Variants in CCDC7 observed in about 807,000 individuals in gnomAD.
CCDC7 encodes coiled-coil domain containing 7, also known as coiled-coil domain-containing protein 7.
Under a neutral mutation model 196.9 loss-of-function variants are expected in CCDC7, and 183 were observed. That is an observed-to-expected ratio of 0.93 (90% CI 0.82 to 1.05). CCDC7 has a LOEUF of 1.05. Among genes scored for constraint, CCDC7 ranks in the 50% least tolerant of loss-of-function variants. The probability of loss-of-function intolerance (pLI) is 0.00; values close to 1 mark genes in which losing one functional copy is unlikely to be tolerated. For synonymous variants in CCDC7, 525 were observed against 484.6 expected (o/e 1.08, Z -1.10); for missense variants, 1,540 against 1,482.2 (o/e 1.04, Z -0.64).
At chr10:32,702,385 C>T (rs967772143) in intron 24 of CCDC7, among the ~76,000 whole-genome samples, 22 of 152,264 alleles carry the variant, frequency 1.4e-4, no homozygotes, top group African/African-American at 2.4e-4. Flanking sequence ...GTCTGAGAGA[C>T]AGTTTGTTAT....
At chr10:32,538,725 C>T (rs991402655) in intron 11 of CCDC7, among the ~76,000 whole-genome samples, 1 of 152,070 alleles carries the variant, frequency 6.6e-6, no homozygotes, top group Non-Finnish European at 1.5e-5. Flanking sequence ...GTCTTTTCTG[C>T]CTCTGTTGAG....
intron 18 of CCDC7, among the ~76,000 whole-genome samples, chr10:32,597,126 A>G (rs561973316): frequency 2.0e-5 from 3 of 152,236 alleles, no homozygotes; most frequent in South Asian, 4.2e-4. Context: ...GTGTTTTCCA[A>G]CTTGGTTCCA....
chr10:32,658,282 C>G (rs1012183410), intron 20 of CCDC7, among the ~76,000 whole-genome samples: 1 of 152,188 alleles, frequency 6.6e-6, no homozygotes, highest in Non-Finnish European at 1.5e-5. Flanking sequence ...ATACCTGAGA[C>G]TAGGTAATTT....
At chr10:32,557,215 T>C (rs1030775114) in intron 13 of CCDC7, among the ~76,000 whole-genome samples, 11 of 150,838 alleles carry the variant, frequency 7.3e-5, no homozygotes, top group Admixed American at 1.3e-4. Context: ...GAAGCAATTA[T>C]TAAAATCATC....
chr10:32,484,263 G>C (rs2040555838), intron 8 of CCDC7, among the ~76,000 whole-genome samples: 1 of 152,172 alleles, frequency 6.6e-6, no homozygotes, highest in Non-Finnish European at 1.5e-5. Context: ...AAGCAATTGT[G>C]AATGGGAGTT....
At chr10:32,613,422 C>G (rs1212869547) in intron 18 of CCDC7, among the ~76,000 whole-genome samples, 1 of 151,984 alleles carries the variant, frequency 6.6e-6, no homozygotes, top group African/African-American at 2.4e-5. Context: ...TTCAGTTTTG[C>G]TCTGATGTTA....
chr10:32,667,795 G>C (rs993152602), intron 21 of CCDC7, among the ~76,000 whole-genome samples: 1 of 152,146 alleles, frequency 6.6e-6, no homozygotes, highest in African/African-American at 2.4e-5. Context: ...TTTGAAGTCA[G>C]GTAGCGTGAT....
At chr10:32,663,731 G>C (rs2072019315) in intron 20 of CCDC7, among the ~76,000 whole-genome samples, 1 of 151,884 alleles carries the variant, frequency 6.6e-6, no homozygotes, top group Non-Finnish European at 1.5e-5. Flanking sequence ...AAAGTATGCT[G>C]TAATGAATAA....
At chr10:32,593,141 T>C (rs1186926849) in intron 18 of CCDC7, among the ~76,000 whole-genome samples, 1 of 152,240 alleles carries the variant, frequency 6.6e-6, no homozygotes, top group Non-Finnish European at 1.5e-5. Flanking sequence ...TTCACAATGC[T>C]TGAACTAGTT....
intron 23 of CCDC7, among the ~76,000 whole-genome samples, chr10:32,691,816 C>G (rs552879400): frequency 6.6e-6 from 1 of 152,142 alleles, no homozygotes; most frequent in South Asian, 2.1e-4. Context: ...GATGATGGCC[C>G]AAACATGTTT....
At chr10:32,795,252 G>A (rs1030552063) in intron 29 of CCDC7, among the ~76,000 whole-genome samples, 18 of 152,024 alleles carry the variant, frequency 1.2e-4, no homozygotes, top group African/African-American at 3.4e-4. Context: ...GGCAATCTTC[G>A]TTCCATGTCA....
intron 18 of CCDC7, among the ~76,000 whole-genome samples, chr10:32,604,376 T>C (rs1231928782): frequency 6.6e-6 from 1 of 152,178 alleles, no homozygotes; most frequent in Non-Finnish European, 1.5e-5. Context: ...GTGTGATGCC[T>C]TCAATTTGGC....
chr10:32,743,177 A>G (rs916899942), intron 28 of CCDC7, among the ~76,000 whole-genome samples: 1 of 152,190 alleles, frequency 6.6e-6, no homozygotes. Context: ...GGTAAATATC[A>G]AGTAGTGCAA....
chr10:32,636,094 A>AC (rs2065587135), intron 20 of CCDC7, among the ~76,000 whole-genome samples: 1 of 152,208 alleles, frequency 6.6e-6, no homozygotes, highest in Non-Finnish European at 1.5e-5. Context: ...GTTGGTCTCT[A>AC]CTAATAGTTT....
At chr10:32,492,641 T>C (rs1317163873) in intron 9 of CCDC7, among the ~76,000 whole-genome samples, 1 of 151,864 alleles carries the variant, frequency 6.6e-6, no homozygotes, top group Non-Finnish European at 1.5e-5. Flanking sequence ...TAGTGTCAAC[T>C]TCATAGACAC....
chr10:32,596,349 A>T (rs1466173169), intron 18 of CCDC7, among the ~76,000 whole-genome samples: 1 of 152,040 alleles, frequency 6.6e-6, no homozygotes, highest in Non-Finnish European at 1.5e-5. Context: ...AGATACTAGG[A>T]TTGCAACCCT....
chr10:32,706,862 T>C (rs1158664897), intron 24 of CCDC7, among the ~76,000 whole-genome samples: 1 of 152,220 alleles, frequency 6.6e-6, no homozygotes, highest in African/African-American at 2.4e-5. Context: ...CAGGACCTGA[T>C]GGATTTACAG....
chr10:32,593,534 G>C (rs1200286009), intron 18 of CCDC7, among the ~76,000 whole-genome samples: 7 of 152,104 alleles, frequency 4.6e-5, no homozygotes, highest in Non-Finnish European at 7.4e-5. Flanking sequence ...TTTTGCTGTG[G>C]AGAAGCTCTT....
intron 11 of CCDC7, among the ~76,000 whole-genome samples, chr10:32,529,665 A>G (rs2049311665): frequency 6.6e-6 from 1 of 152,136 alleles, no homozygotes; most frequent in African/African-American, 2.4e-5. Context: ...TAGATTCTGG[A>G]TATTAGTCTT....
Sources: gnomAD v4.1 joint callset for allele counts (sites outside exome capture counted in the v4.1 genomes callset) on GRCh38, gnomAD v4.1.1 for gene constraint, MANE v1.5 for transcripts, NCBI Gene and HGNC (gene_info 2026-07-23, HGNC 2026-07-21) for gene names.